Variants in RITA1 observed in about 807,000 individuals in gnomAD.
RITA1 encodes RBPJ-interacting and tubulin-associated protein 1.
Under a neutral mutation model 8.7 loss-of-function variants are expected in RITA1, and 15 were observed. That is an observed-to-expected ratio of 1.72 (90% CI 1.15 to 2.65). The LOEUF (loss-of-function observed/expected upper bound fraction) is 2.65, where lower values mean the gene tolerates loss of function less well. RITA1 is among the 30% of genes most tolerant of loss of function. The pLI is 0.00. For synonymous variants in RITA1, 145 were observed against 156.2 expected (o/e 0.93, Z 0.53); for missense variants, 330 against 363.8 (o/e 0.91, Z 0.76).
Position 113,191,849 on chromosome 12 carries a change from C to T in RITA1, c.*32C>T, listed in dbSNP as rs776514177. Reference sequence around the variant, plus strand: ...TTCATCAGGGTTGCCTATGGGGCCACGGCGACAGGTATGGCCCCTTGCCAG... The same window carrying T: ...TTCATCAGGGTTGCCTATGGGGCCATGGCGACAGGTATGGCCCCTTGCCAG... On this transcript the variant is annotated 3_prime_UTR_variant, in exon 4 of 4. Coordinates refer to ENST00000548278, the MANE Select transcript of RITA1 (RefSeq NM_032848.3). This position sits in a 1 kb window ranked among gnomAD's most constrained non-coding sequence, Gnocchi z 4.0. 14 of 1,561,000 alleles carry T rather than the reference C, an allele frequency of 9.0e-6. No homozygotes were observed. Among genetic ancestry groups the T allele is most frequent in the Admixed American group, 3.7e-5 (2 of 54,528 alleles).
Position 113,188,787 on chromosome 12 carries a change from C to CTTTTTTTTTTT in RITA1, c.302+1770_302+1780dup, listed in dbSNP as rs760372956. ...TATAATGTTATTTAGCCTTAGTTAC[C>CTTTTTTTTTTT]TTTTTTTTTTTTTTTTTTTTTTTTT... On this transcript the variant is annotated intron_variant, in intron 3 of 3. Transcript: ENST00000548278. Among the ~76,000 whole-genome samples, 15 of 73,200 alleles carry CTTTTTTTTTTT rather than the reference C, an allele frequency of 2.0e-4. 3 individuals are homozygous for CTTTTTTTTTTT. Among genetic ancestry groups the CTTTTTTTTTTT allele is most frequent in the Non-Finnish European group, 3.1e-4 (12 of 38,232 alleles). The allele number at this position is 73,200 out of a possible 152,430, so 48.0% of individuals were successfully genotyped here. A position where few individuals can be genotyped will look rare whatever the true frequency, so the allele number is the denominator to read the frequency against.
Position 113,192,102 on chromosome 12 carries a change from C to T in RITA1, c.*285C>T. On this transcript the variant is annotated 3_prime_UTR_variant, in exon 4 of 4. Transcript: ENST00000548278. ...GTGCCAACCCAGGGGCCTGGCACCTCCCACATCATCCATTGTCTTGCTGCC... is the reference window on the plus strand; with the variant it reads ...GTGCCAACCCAGGGGCCTGGCACCTTCCACATCATCCATTGTCTTGCTGCC... The T allele has an allele frequency of 2.6e-6, 1 of 385,608 alleles. No homozygotes were observed. The highest frequency in any genetic ancestry group is 4.7e-6 in the Non-Finnish European group (1 of 214,590). The allele number at this position is 385,608 out of a possible 1,614,324, so 23.9% of individuals were successfully genotyped here. A position where few individuals can be genotyped will look rare whatever the true frequency, so the allele number is the denominator to read the frequency against.
intron 3 of RITA1, among the ~76,000 whole-genome samples, chr12:113,188,052 A>ATTT (rs539937957): frequency 4.8e-5 from 7 of 144,566 alleles, no homozygotes; most frequent in Admixed American, 2.1e-4. Context: ...AAACAACACA[A>ATTT]TTTTTTTTTT....
rs536618420 is a variant in RITA1, at chr12:113,186,052, T to A, written c.-197+31T>A. ...AGAACAACCCAAAAATGCAGGGACC[T>A]CGGGCACTTTTTAATCGGGTCATTG... On this transcript the variant is annotated intron_variant, in intron 1 of 3. Coordinates refer to ENST00000548278, the MANE Select transcript of RITA1 (RefSeq NM_032848.3). 7 of 1,536,026 alleles carry A rather than the reference T, an allele frequency of 4.6e-6. No individual in the cohort carries two copies. The East Asian group carries it at 1.5e-4, about 32-fold the overall frequency.
chr12:113,186,547 C>G (rs1952538513), intron 2 of RITA1, 136 bp from the exon 3 acceptor site: 1 of 1,386,126 alleles, frequency 7.2e-7, no homozygotes, highest in East Asian at 2.6e-5. Context: ...AAAATGCCCC[C>G]TGAAGTTGAC....
chr12:113,190,773 C>G (rs918177965), intron 3 of RITA1, among the ~76,000 whole-genome samples: 1 of 152,230 alleles, frequency 6.6e-6, no homozygotes, highest in African/African-American at 2.4e-5. Context: ...GCTCCTGTAA[C>G]AGGGGCTCAA....
In RITA1 at chr12:113,191,423, C is replaced by T. The variant is rs760745643; in HGVS notation, c.416C>T (p.Ala139Val). The T allele has an allele frequency of 2.6e-5, 42 of 1,610,236 alleles. No homozygotes were observed. Among genetic ancestry groups the T allele is most frequent in the Middle Eastern group, 1.7e-4 (1 of 6,046 alleles). Residue 139 changes from alanine (A) to valine (V), a missense_variant, in exon 4 of 4, where the codon GCT becomes GTT. Physicochemically the swap from Ala to Val is moderately conservative, Grantham distance 64. Transcript: ENST00000548278. This position sits in a 1 kb window ranked among gnomAD's most constrained non-coding sequence, Gnocchi z 4.0. ...MAKGDAAKLR[A>V]LLWTPPPTPR... ...AAGGGGGATGCCGCAAAGCTCCGTG[C>T]TCTCTTGTGGACGCCACCACCTACC...
chr12:113,186,418 TG>T (rs1376284489), intron 2 of RITA1, 102 bp downstream of exon 2: 3 of 1,372,980 alleles, frequency 2.2e-6, no homozygotes, highest in Non-Finnish European at 2.8e-6. Context: ...TTCTGGTTGG[TG>T]CCTAAATAGA....
intron 3 of RITA1, among the ~76,000 whole-genome samples, chr12:113,187,641 C>A (rs1201649939): frequency 2.0e-5 from 3 of 151,402 alleles, no homozygotes; most frequent in Non-Finnish European, 4.4e-5. Context: ...GCCTGTACTC[C>A]CAGCTCCCGG....
At chr12:113,188,436 C>T (rs1427430340) in intron 3 of RITA1, among the ~76,000 whole-genome samples, 6 of 151,902 alleles carry the variant, frequency 3.9e-5, no homozygotes, top group African/African-American at 1.2e-4. Flanking sequence ...CTTGAACTCC[C>T]GACCAGGTGA....
chr12:113,190,336 A>G (rs1952587365), intron 3 of RITA1, among the ~76,000 whole-genome samples: 1 of 151,354 alleles, frequency 6.6e-6, no homozygotes, highest in Non-Finnish European at 1.5e-5. Context: ...TGTCTCAGAA[A>G]AAAAAAGAAA....
rs567342034 is a variant in RITA1 at position 113,191,226 on chromosome 12, C to A, written c.303-84C>A. 2 of 1,462,442 alleles carry A rather than the reference C, an allele frequency of 1.4e-6. No individual in the cohort carries two copies. The highest frequency in any genetic ancestry group is 2.9e-5 in the South Asian group (2 of 69,672). 90.6% of individuals were successfully genotyped at this position (1,462,442 alleles called of 1,614,324 possible). A position where few individuals can be genotyped will look rare whatever the true frequency, so the allele number is the denominator to read the frequency against. On this transcript the variant is annotated intron_variant, in intron 3 of 3. Coordinates refer to ENST00000548278, the MANE Select transcript of RITA1 (RefSeq NM_032848.3). This position sits in a 1 kb window ranked among gnomAD's most constrained non-coding sequence, Gnocchi z 4.0. ...GCAGGCAACCCTCCTCTGCTGCTGC[C>A]ATCCCAGGGTGGGTGGGAGAGCTGT...
rs771326945 is a variant in RITA1, at chr12:113,186,735, A to G, written c.-12A>G. 6.2e-7 allele frequency: 1 copy of G among 1,611,098 alleles called. No homozygotes were observed. Among genetic ancestry groups the G allele is most frequent in the South Asian group, 1.1e-5 (1 of 91,030 alleles). ...CAGAGCACACCTGCTGTCACCAGGG[A>G]CCACAGGCAGCATGAAGACCCCCGT... On this transcript the variant is annotated 5_prime_UTR_variant, in exon 3 of 4. Coordinates refer to ENST00000548278, the MANE Select transcript of RITA1 (RefSeq NM_032848.3).
At chr12:113,189,848 C>T (rs946381645) in intron 3 of RITA1, among the ~76,000 whole-genome samples, 1 of 148,608 alleles carries the variant, frequency 6.7e-6, no homozygotes, top group African/African-American at 2.5e-5. Flanking sequence ...CCAGCCTGGG[C>T]AACATAGTGA....
chr12:113,186,163 G>A (rs1278024731), intron 1 of RITA1, 22 bp from the exon 2 acceptor site: 8 of 1,400,620 alleles, frequency 5.7e-6, no homozygotes, highest in Non-Finnish European at 7.7e-6. Flanking sequence ...TCTGGACTCA[G>A]ATTTCACTTC....
At chr12:113,190,286 T>C (rs61941447) in intron 3 of RITA1, among the ~76,000 whole-genome samples, 15,522 of 139,398 alleles carry the variant, frequency 0.11, 920 homozygotes, top group East Asian at 0.23. Context: ...GAGCTGAGAT[T>C]GCACCACTGC....
Position 113,187,166 on chromosome 12 carries a change from G to A in RITA1, c.302+118G>A, listed in dbSNP as rs889755206. ...CAAGCATCTTGACCTCTCTGAGCCA[G>A]TTTACTCATGTGGAAAATAGGACCA... On this transcript the variant is annotated intron_variant, in intron 3 of 3. Transcript: ENST00000548278. 10 of 1,084,812 alleles carry A rather than the reference G, an allele frequency of 9.2e-6. No individual in the cohort carries two copies. In the Admixed American group the frequency reaches 2.4e-4, roughly 26 times the overall value. 67.2% of individuals were successfully genotyped at this position (1,084,812 alleles called of 1,614,324 possible).
chr12:113,187,861 A>C (rs1402587384), intron 3 of RITA1, among the ~76,000 whole-genome samples: 1 of 152,018 alleles, frequency 6.6e-6, no homozygotes, highest in African/African-American at 2.4e-5. Context: ...TTAATTAATT[A>C]GATTAGAATT....
At position 113,191,130 on chromosome 12, in the gene RITA1, GGGCAGTGGTGCTTAAGA is replaced by G. The variant is rs1425340890; in HGVS notation, c.303-176_303-160del. On this transcript the variant is annotated intron_variant, in intron 3 of 3. Coordinates refer to ENST00000548278, the MANE Select transcript of RITA1 (RefSeq NM_032848.3). The surrounding 1 kb of genome is among the most constrained non-coding windows in gnomAD (Gnocchi z 4.0). ...CGCAGGGAAAATCAGCAGAGACCGGGGGCAGTGGTGCTTAAGAGGCTGTGGCCTCGCTGTAGGTTTCA... is the reference window on the plus strand; with the variant it reads ...CGCAGGGAAAATCAGCAGAGACCGGGGGCTGTGGCCTCGCTGTAGGTTTCA... Among the ~76,000 whole-genome samples, 5 of 152,180 alleles carry G rather than the reference GGGCAGTGGTGCTTAAGA, an allele frequency of 3.3e-5. No homozygotes were observed. The highest frequency in any genetic ancestry group is 1.2e-4 in the African/African-American group (5 of 41,438).
Sources: gnomAD v4.1 joint callset for allele counts (sites outside exome capture counted in the v4.1 genomes callset) on GRCh38, gnomAD v4.1.1 for gene constraint, Gnocchi (gnomAD v3.1) non-coding constraint, MANE v1.5 for transcripts, NCBI Gene and HGNC (gene_info 2026-07-23, HGNC 2026-07-21) for gene names.